PTPRD: variants seen among roughly 807,000 people sequenced by gnomAD.
The protein encoded by PTPRD is receptor-type tyrosine-protein phosphatase delta.
PTPRD carries 34 observed loss-of-function variants against 214.5 expected under a neutral mutation model. That is an observed-to-expected ratio of 0.16 (90% CI 0.12 to 0.21). The LOEUF is 0.21. Among genes scored for constraint, PTPRD ranks in the 10% least tolerant of loss-of-function variants. The pLI is 1.00. For missense variants in PTPRD, 2,545 were observed against 2,398.7 expected (o/e 1.06, Z -1.27); for synonymous variants, 1,128 against 845.7 (o/e 1.33, Z -5.79).
rs2098453847 is a variant in PTPRD at position 8,882,402 on chromosome 9, G to C, written c.-104+136295C>G. ...TTGTAGACCACAGTTTTGTAGGCAG[G>C]GAAAGCTGAGACCAGAAGCCAGGTC... is the stretch of plus-strand genomic sequence containing the variant. On this transcript the variant is annotated intron_variant, in intron 11 of 45. Transcript: ENST00000381196. 3.9e-5 allele frequency among the ~76,000 whole-genome samples: 6 copies of C among 152,094 alleles called. No individual in the cohort carries two copies. In the South Asian group the frequency reaches 1.2e-3, roughly 32 times the overall value.
At position 8,331,885 on chromosome 9, in the gene PTPRD, T is replaced by G. The variant is rs566689898; in HGVS notation, c.5380-149A>C. The G allele has an allele frequency of 3.8e-4, 340 of 886,190 alleles. 2 individuals carry two copies. Among genetic ancestry groups the G allele is most frequent in the Middle Eastern group, 1.8e-3 (5 of 2,798 alleles). 54.9% of individuals were successfully genotyped at this position (886,190 alleles called of 1,614,324 possible). On this transcript the variant is annotated intron_variant, in intron 43 of 45. Coordinates refer to ENST00000381196, the MANE Select transcript of PTPRD (RefSeq NM_002839.4). ...ACATGTTTAAATAGAAACTTAGTTA[T>G]GGTTTATCTGCTATAAATATTGTCC...
At chr9:9,918,466 G>A (rs974269369) in intron 5 of PTPRD, among the ~76,000 whole-genome samples, 15 of 150,962 alleles carry the variant, frequency 9.9e-5, no homozygotes, top group Non-Finnish European at 2.1e-4. Context: ...AATATTGTTA[G>A]AATCACAAAA....
At chr9:9,441,665 A>G (rs1411656157) in intron 8 of PTPRD, among the ~76,000 whole-genome samples, 3 of 152,170 alleles carry the variant, frequency 2.0e-5, no homozygotes, top group Non-Finnish European at 2.9e-5. Context: ...TTCTGAATCA[A>G]TGAGGCCACT....
chr9:9,941,396 C>T (rs1349385759), intron 4 of PTPRD, among the ~76,000 whole-genome samples: 1 of 152,138 alleles, frequency 6.6e-6, no homozygotes, highest in East Asian at 1.9e-4. Flanking sequence ...GATCTCAGCT[C>T]GCTGCAATTT....
chr9:9,410,034 A>G, intron 8 of PTPRD, among the ~76,000 whole-genome samples: 1 of 152,158 alleles, frequency 6.6e-6, no homozygotes, highest in East Asian at 1.9e-4. Context: ...TGTTTTATCA[A>G]ACACATTTGT....
intron 7 of PTPRD, among the ~76,000 whole-genome samples, chr9:9,691,345 G>A (rs886235892): frequency 6.6e-6 from 1 of 151,728 alleles, no homozygotes; most frequent in Admixed American, 6.6e-5. Context: ...GAGTTCAATT[G>A]TTTTATTTTT....
At chr9:9,959,784 A>G (rs1423642571) in intron 4 of PTPRD, among the ~76,000 whole-genome samples, 3 of 152,244 alleles carry the variant, frequency 2.0e-5, no homozygotes, top group African/African-American at 7.2e-5. Context: ...GACAGCAGAT[A>G]GAACCAGCAG....
At chr9:8,387,414 GTTAT>G (rs2087535715) in intron 37 of PTPRD, among the ~76,000 whole-genome samples, 1 of 152,152 alleles carries the variant, frequency 6.6e-6, no homozygotes, top group South Asian at 2.1e-4. Flanking sequence ...ATTTCATTTG[GTTAT>G]TTCAAAACAA....
intron 7 of PTPRD, among the ~76,000 whole-genome samples, chr9:9,712,575 A>G (rs2097756996): frequency 6.6e-6 from 1 of 152,130 alleles, no homozygotes; most frequent in Non-Finnish European, 1.5e-5. Flanking sequence ...AACTCAAACA[A>G]TGGCAGACGG....
At chr9:9,766,325 G>A (rs1190892533) in intron 6 of PTPRD, among the ~76,000 whole-genome samples, 4 of 152,004 alleles carry the variant, frequency 2.6e-5, no homozygotes, top group Admixed American at 6.6e-5. Context: ...TTTATATACT[G>A]TTTACTGAGC....
chr9:8,321,503 ATATATATATATATATATATATAT>A (rs1827894926), intron 44 of PTPRD, among the ~76,000 whole-genome samples: 1 of 88,772 alleles, frequency 1.1e-5, no homozygotes, highest in East Asian at 2.5e-4. Flanking sequence ...ATATATATAT[ATATATATATATATATATATATAT>A]AAAAGGTATA....
At chr9:8,712,185 A>G (rs1211336356) in intron 12 of PTPRD, among the ~76,000 whole-genome samples, 1 of 152,228 alleles carries the variant, frequency 6.6e-6, no homozygotes, top group Admixed American at 6.5e-5. Flanking sequence ...TGTATCACAT[A>G]ACTATATTGA....
chr9:9,758,233 A>G (rs1596970403), intron 6 of PTPRD, among the ~76,000 whole-genome samples: 1 of 151,806 alleles, frequency 6.6e-6, no homozygotes, highest in Non-Finnish European at 1.5e-5. Context: ...CTTATAAAAA[A>G]ACAGACATTA....
rs1450478662 is a variant in PTPRD, at chr9:8,722,129, G to A, written c.64+11651C>T. Among the ~76,000 whole-genome samples the A allele has an allele frequency of 6.5e-5, 3 of 46,020 alleles. No individual in the cohort carries two copies. In the East Asian group the frequency reaches 1.2e-3, roughly 19 times the overall value. 30.2% of individuals were successfully genotyped at this position (46,020 alleles called of 152,430 possible). Reference sequence around the variant, plus strand: ...CCATACATTAAGTATTACTCTGTGTGTGTGTGTGTGTGTGTGTGTGTGTGT... The same window carrying A: ...CCATACATTAAGTATTACTCTGTGTATGTGTGTGTGTGTGTGTGTGTGTGT... On this transcript the variant is annotated intron_variant, in intron 12 of 45. Coordinates refer to ENST00000381196, the MANE Select transcript of PTPRD (RefSeq NM_002839.4).
rs951410897 is a variant in PTPRD at position 8,536,122 on chromosome 9, G to A, written c.353-7343C>T. Reference sequence around the variant, plus strand: ...TTGTTATTTGTTTCATATCCTACATGTAGTAAAAAATTAAAGAAAGTCTTT... The same window carrying A: ...TTGTTATTTGTTTCATATCCTACATATAGTAAAAAATTAAAGAAAGTCTTT... On this transcript the variant is annotated intron_variant, in intron 14 of 45. Transcript: ENST00000381196. 2.0e-5 allele frequency among the ~76,000 whole-genome samples: 3 copies of A among 151,832 alleles called. No individual in the cohort carries two copies. The South Asian group carries it at 6.2e-4, about 31-fold the overall frequency.
intron 12 of PTPRD, among the ~76,000 whole-genome samples, chr9:8,674,523 T>C (rs1165089245): frequency 7.6e-6 from 1 of 130,766 alleles, no homozygotes; most frequent in Non-Finnish European, 1.7e-5. Context: ...AAAATTCCAA[T>C]ACTAAGGATT....
chr9:9,703,651 GTTGAT>G (rs1252535965), intron 7 of PTPRD, among the ~76,000 whole-genome samples: 1 of 152,056 alleles, frequency 6.6e-6, no homozygotes, highest in African/African-American at 2.4e-5. Flanking sequence ...TTTGCTATCT[GTTGAT>G]TTGTTCTGTA....
intron 36 of PTPRD, among the ~76,000 whole-genome samples, chr9:8,395,343 G>A (rs950065080): frequency 2.6e-5 from 4 of 152,070 alleles, no homozygotes; most frequent in Non-Finnish European, 5.9e-5. Flanking sequence ...TGGCAAAAAT[G>A]TTTACTTTGC....
chr9:8,880,461 C>T (rs899675372), intron 11 of PTPRD, among the ~76,000 whole-genome samples: 1 of 152,182 alleles, frequency 6.6e-6, no homozygotes, highest in African/African-American at 2.4e-5. Flanking sequence ...TCAACTCCTC[C>T]TTACTGATTT....
Sources: allele counts gnomAD v4.1 joint callset (sites outside exome capture counted in the v4.1 genomes callset), GRCh38; gene constraint gnomAD v4.1.1; transcripts MANE v1.5; gene names NCBI Gene and HGNC (gene_info 2026-07-23, HGNC 2026-07-21).